The following MTMR8 variants were observed in gnomAD, a reference collection of about 807,000 sequenced individuals.
MTMR8 encodes phosphatidylinositol-3,5-bisphosphate 3-phosphatase MTMR8.
A neutral mutation model predicts 39.3 loss-of-function variants in MTMR8; 65 were observed. The observed-to-expected ratio is 1.65, with a 90% CI of 1.35 to 2.03. The LOEUF (loss-of-function observed/expected upper bound fraction) is 2.03. MTMR8 is among the 30% of genes most tolerant of loss of function. The pLI is 0.00. For missense variants in MTMR8, 777 were observed against 538.9 expected (o/e 1.44, Z -4.37); for synonymous variants, 245 against 185.2 (o/e 1.32, Z -2.62).
chrX:64,280,887 A>T (rs1043518584), intron 12 of MTMR8, among the ~76,000 whole-genome samples: 2 of 111,392 alleles, frequency 1.8e-5, no homozygotes, highest in East Asian at 5.7e-4. Context: ...AATCTCAAGC[A>T]TTGCTATACC....
intron 12 of MTMR8, among the ~76,000 whole-genome samples, chrX:64,321,456 A>G (rs781431898): frequency 3.4e-4 from 38 of 112,318 alleles, no homozygotes; most frequent in African/African-American, 1.2e-3. Flanking sequence ...ACTCACTAGA[A>G]CAGTTAAACA....
intron 1 of MTMR8, among the ~76,000 whole-genome samples, chrX:64,380,782 C>A (rs766427963): frequency 9.0e-6 from 1 of 111,129 alleles, no homozygotes; most frequent in South Asian, 3.8e-4. Flanking sequence ...TTGTGATGTT[C>A]CCCTTGCTGT....
intron 12 of MTMR8, among the ~76,000 whole-genome samples, chrX:64,275,733 A>G (rs1295049412): frequency 7.3e-5 from 8 of 110,344 alleles, no homozygotes; most frequent in Non-Finnish European, 1.5e-4. Context: ...AACTTTAGCT[A>G]GACCAAGAAA....
At chrX:64,371,665 C>T (rs374718942) in intron 1 of MTMR8, among the ~76,000 whole-genome samples, 16 of 111,152 alleles carry the variant, frequency 1.4e-4, no homozygotes, top group East Asian at 1.1e-3. Flanking sequence ...TCTTTTGACC[C>T]AATATCCCTA....
chrX:64,326,060 G>A (rs1922781496), intron 12 of MTMR8, among the ~76,000 whole-genome samples: 1 of 111,786 alleles, frequency 8.9e-6, no homozygotes, highest in Admixed American at 9.5e-5. Flanking sequence ...ATTATACACT[G>A]TATTCTTATA....
intron 12 of MTMR8, among the ~76,000 whole-genome samples, chrX:64,326,945 C>A (rs1922812575): frequency 9.1e-6 from 1 of 109,998 alleles, no homozygotes; most frequent in Non-Finnish European, 1.9e-5. Flanking sequence ...ATACAATCTT[C>A]AGTAAATGGT....
Position 64,372,095 on chromosome X carries a change from G to A in MTMR8, c.25-12568C>T, listed in dbSNP as rs1179569014. ...ACGGTAGCCTAAATTTAGAATGACA[G>A]GATTTGGGGTAATCCTTAATGTTAA... On this transcript the variant is annotated intron_variant, in intron 1 of 13. Transcript: ENST00000374852. Among the ~76,000 whole-genome samples, 3 of 108,163 alleles carry A rather than the reference G, an allele frequency of 2.8e-5. No individual in the cohort carries two copies. The Admixed American group carries it at 3.0e-4, about 11-fold the overall frequency. The allele number at this position is 108,163 out of a possible 115,157, so 93.9% of individuals were successfully genotyped here.
At position 64,305,446 on chromosome X, in the gene MTMR8, T is replaced by C. The variant is rs1397989532; in HGVS notation, c.1481+23326A>G. On this transcript the variant is annotated intron_variant, in intron 12 of 13. Transcript: ENST00000374852. ...ATCTGCAGCTGATTACCTGCAGTGATGTTACAGAGAAACCATACTGCCTCT... is the reference window on the plus strand; with the variant it reads ...ATCTGCAGCTGATTACCTGCAGTGACGTTACAGAGAAACCATACTGCCTCT... The C allele has an allele frequency of 1.8e-5, 5 of 285,619 alleles. No individual in the cohort carries two copies. In the East Asian group the frequency reaches 3.6e-4, roughly 20 times the overall value. 23.5% of individuals were successfully genotyped at this position (285,619 alleles called of 1,213,427 possible).
chrX:64,311,007 T>C (rs1156327933), intron 12 of MTMR8, among the ~76,000 whole-genome samples: 1 of 111,935 alleles, frequency 8.9e-6, no homozygotes, highest in Non-Finnish European at 1.9e-5. Context: ...ATCCTTTCGG[T>C]ATATACCCAG....
intron 12 of MTMR8, among the ~76,000 whole-genome samples, chrX:64,271,478 C>T (rs775910863): frequency 8.9e-6 from 1 of 112,188 alleles, no homozygotes; most frequent in South Asian, 3.7e-4. Flanking sequence ...GATCAATTCC[C>T]TTTATGAGAA....
chrX:64,395,263 G>C, intron 1 of MTMR8, 77 bp downstream of exon 1: 1 of 1,051,231 alleles, frequency 9.5e-7, no homozygotes, highest in South Asian at 1.9e-5. Context: ...AGAAGGCTGA[G>C]GAGGTGTGTC....
chrX:64,285,228 G>A lies in MTMR8; in HGVS notation c.1482-14155C>T, dbSNP rs1345256586. Among the ~76,000 whole-genome samples the A allele has an allele frequency of 4.5e-5, 5 of 111,514 alleles. No individual in the cohort carries two copies. In the East Asian group the frequency reaches 8.4e-4, roughly 19 times the overall value. On this transcript the variant is annotated intron_variant, in intron 12 of 13. Transcript: ENST00000374852. ...ACAAAGATCAAAAGAGACAAAGAAG[G>A]CCATTACATAATGGTAAAGGGATCA...
intron 12 of MTMR8, chrX:64,305,703 G>T: frequency 1.9e-6 from 1 of 524,427 alleles, no homozygotes; most frequent in Admixed American, 2.3e-5. Context: ...GTAAGAGAGG[G>T]CCCAGTCTGT....
intron 6 of MTMR8, among the ~76,000 whole-genome samples, chrX:64,347,984 G>A (rs1414928585): frequency 1.8e-5 from 2 of 112,067 alleles, no homozygotes; most frequent in Admixed American, 1.9e-4. Context: ...TTATTGGAAA[G>A]ATCAAAGGAT....
At chrX:64,322,964 G>C (rs760766589) in intron 12 of MTMR8, among the ~76,000 whole-genome samples, 1 of 112,828 alleles carries the variant, frequency 8.9e-6, no homozygotes, top group East Asian at 2.8e-4. Context: ...TGCACAGTCA[G>C]CACACTCACC....
rs764592350 is a variant in MTMR8 at position 64,290,774 on chromosome X, G to T, written c.1482-19701C>A. Among the ~76,000 whole-genome samples, 6 of 112,125 alleles carry T rather than the reference G, an allele frequency of 5.4e-5. No homozygotes were observed. The South Asian group carries it at 1.1e-3, about 21-fold the overall frequency. On this transcript the variant is annotated intron_variant, in intron 12 of 13. Coordinates refer to ENST00000374852, the MANE Select transcript of MTMR8 (RefSeq NM_017677.4). ...TTTCACTTAACATATTCTCTGCAAGGTGTTGCATATATTTAGTTTGTTCTT... is the reference window on the plus strand; with the variant it reads ...TTTCACTTAACATATTCTCTGCAAGTTGTTGCATATATTTAGTTTGTTCTT...
intron 1 of MTMR8, among the ~76,000 whole-genome samples, chrX:64,371,611 G>A (rs1924132887): frequency 9.0e-6 from 1 of 110,933 alleles, no homozygotes; most frequent in Non-Finnish European, 1.9e-5. Context: ...CTTTTAGAAA[G>A]CAATATGGAA....
At chrX:64,393,463 T>A (rs1303894403) in intron 1 of MTMR8, among the ~76,000 whole-genome samples, 1 of 112,078 alleles carries the variant, frequency 8.9e-6, no homozygotes, top group African/African-American at 3.2e-5. Flanking sequence ...TTTAATATTT[T>A]AACACTCAAG....
chrX:64,358,009 C>A (rs763799418), intron 2 of MTMR8, among the ~76,000 whole-genome samples: 2 of 111,283 alleles, frequency 1.8e-5, no homozygotes, highest in Non-Finnish European at 3.8e-5. Flanking sequence ...TGTAAGTGCT[C>A]CCTTCCAGAT....
Sources: gnomAD v4.1 joint callset for allele counts (sites outside exome capture counted in the v4.1 genomes callset) on GRCh38, gnomAD v4.1.1 for gene constraint, MANE v1.5 for transcripts, NCBI Gene and HGNC (gene_info 2026-07-23, HGNC 2026-07-21) for gene names.